GALNT15: variants seen among roughly 807,000 people sequenced by gnomAD.
The protein encoded by GALNT15 is UDP-GalNAc transferase T15.
A neutral mutation model predicts 66.8 loss-of-function variants in GALNT15; 67 were observed. The observed-to-expected ratio is 1.00, with a 90% CI of 0.82 to 1.23. GALNT15 has a LOEUF of 1.23. Ranked by LOEUF, GALNT15 falls within the 50% of genes most tolerant of loss-of-function variation. The pLI is 0.00. For synonymous variants in GALNT15, 313 were observed against 311.5 expected, an observed-to-expected ratio of 1.00 and a Z score of -0.05; for missense variants, 827 against 804.3, an observed-to-expected ratio of 1.03 and a Z score of -0.34.
At chr3:16,205,129 G>A (rs965349843) in intron 3 of GALNT15, among the ~76,000 whole-genome samples, 9 of 152,170 alleles carry the variant, frequency 5.9e-5, no homozygotes, top group African/African-American at 1.9e-4. Flanking sequence ...TGGAAAAGCC[G>A]ATGCCAGTCC....
At chr3:16,179,818 G>A (rs1220930858) in intron 1 of GALNT15, among the ~76,000 whole-genome samples, 2 of 152,158 alleles carry the variant, frequency 1.3e-5, no homozygotes, top group Non-Finnish European at 2.9e-5. Context: ...TGAATACTGA[G>A]GCAAAATAGA....
chr3:16,206,598 G>A (rs1017390269), intron 3 of GALNT15, among the ~76,000 whole-genome samples: 3 of 148,870 alleles, frequency 2.0e-5, no homozygotes, highest in Non-Finnish European at 4.5e-5. Context: ...GCGTGAACCT[G>A]GGAGGCGGAG....
chr3:16,224,614 C>A lies in GALNT15; in HGVS notation c.1773+1856C>A, dbSNP rs2063985245. Among the ~76,000 whole-genome samples the A allele has an allele frequency of 6.8e-6, 1 of 148,100 alleles. No homozygotes were observed. Among genetic ancestry groups the A allele is most frequent in the Non-Finnish European group, 1.5e-5 (1 of 67,466 alleles). On this transcript the variant is annotated intron_variant, in intron 9 of 9. Coordinates refer to ENST00000339732, the MANE Select transcript of GALNT15 (RefSeq NM_054110.5). This position sits in a 1 kb window ranked among gnomAD's most constrained non-coding sequence, Gnocchi z 5.2. Reference sequence around the variant, plus strand: ...CATAACAATGTGAATATATTTAACACTATTGTAGTAGGCTATTCTTTTTTT... The same window carrying A: ...CATAACAATGTGAATATATTTAACAATATTGTAGTAGGCTATTCTTTTTTT...
chr3:16,212,793 G>A (rs1322252093), intron 6 of GALNT15, 30 bp downstream of exon 6: 8 of 1,592,080 alleles, frequency 5.0e-6, no homozygotes, highest in Non-Finnish European at 6.9e-6. Context: ...GGGCTTCTGT[G>A]TCCAGCACAG....
At chr3:16,243,148 C>A in the GALNT15 span, among the ~76,000 whole-genome samples, 2 of 152,250 alleles carry the variant, frequency 1.3e-5, no homozygotes, top group African/African-American at 4.8e-5. Context: ...CTGGGATACA[C>A]TTTGCAGGCT....
At chr3:16,235,787 C>A (rs2124917732), downstream of GALNT15, among the ~76,000 whole-genome samples, 1 of 152,052 alleles carries the variant, frequency 6.6e-6, no homozygotes, top group East Asian at 1.9e-4. Flanking sequence ...AGCAGCCTTG[C>A]CGGGTAGGAT....
At chr3:16,192,828 A>G (rs2063593634) in intron 1 of GALNT15, among the ~76,000 whole-genome samples, 1 of 152,222 alleles carries the variant, frequency 6.6e-6, no homozygotes, top group Non-Finnish European at 1.5e-5. Flanking sequence ...TATAAAGTTC[A>G]TTATTTTATT....
At chr3:16,245,959 C>A in the GALNT15 span, among the ~76,000 whole-genome samples, 1,649 of 152,164 alleles carry the variant, frequency 0.011, 76 homozygotes, top group East Asian at 0.093. Flanking sequence ...AATGAATGAA[C>A]AGTAGAAGGA....
Position 16,204,695 on chromosome 3 carries a change from A to T in GALNT15, c.912-3808A>T, listed in dbSNP as rs1393467007. ...AGGGGCTGAAAGATGATATCATCTC[A>T]AGAAGCTGAACAAGTTATCTCTTAC... On this transcript the variant is annotated intron_variant, in intron 3 of 9. Transcript: ENST00000339732. This position sits in a 1 kb window ranked among gnomAD's most constrained non-coding sequence, Gnocchi z 4.5. Among the ~76,000 whole-genome samples, 1 of 152,190 alleles carries T rather than the reference A, an allele frequency of 6.6e-6. No homozygotes were observed. Among genetic ancestry groups the T allele is most frequent in the Non-Finnish European group, 1.5e-5 (1 of 68,036 alleles).
intron 2 of GALNT15, among the ~76,000 whole-genome samples, chr3:16,198,684 C>T (rs1269431618): frequency 7.0e-6 from 1 of 143,002 alleles, no homozygotes; most frequent in Non-Finnish European, 1.6e-5. Context: ...TAAAGTAACA[C>T]ATCAACGAAG....
Position 16,208,583 on chromosome 3 carries a change from G to A in GALNT15, c.992G>A (p.Gly331Glu). The change falls in exon 4 of 10, where the codon GGG becomes GAG. Residue 331 changes from glycine to glutamate, a missense_variant. Physicochemically the swap from Gly to Glu is moderately conservative, Grantham distance 98. Coordinates refer to ENST00000339732, the MANE Select transcript of GALNT15 (RefSeq NM_054110.5). ...TACCCCTCAAAGGACCTGCAGCGTG[G>A]GGTGTTGGACTGGAAGCTGGATTTC... ...QYYPSKDLQR[G>E]VLDWKLDFHW... 6.2e-7 allele frequency: 1 copy of A among 1,614,134 alleles called. No homozygotes were observed. The highest frequency in any genetic ancestry group is 8.5e-7 in the Non-Finnish European group (1 of 1,180,016).
rs56306167 is a variant in GALNT15, at chr3:16,203,520, T to TTCTC, written c.911+2718_911+2721dup. Among the ~76,000 whole-genome samples the TTCTC allele has an allele frequency of 0.017, 1,894 of 114,076 alleles. 86 individuals carry two copies. The highest frequency in any genetic ancestry group is 0.056 in the African/African-American group (1,517 of 26,948). The allele number at this position is 114,076 out of a possible 152,430, so 74.8% of individuals were successfully genotyped here. A position where few individuals can be genotyped will look rare whatever the true frequency, so the allele number is the denominator to read the frequency against. ...TCTCTCTCTGTCTCTTGGTCACTCA[T>TTCTC]TCTCTCTCTCTCTCTCTCTCTCTCA... On this transcript the variant is annotated intron_variant, in intron 3 of 9. Transcript: ENST00000339732. The surrounding 1 kb of genome is among the most constrained non-coding windows in gnomAD (Gnocchi z 6.2).
downstream of GALNT15, among the ~76,000 whole-genome samples, chr3:16,236,104 CA>C (rs558670542): frequency 1.5e-3 from 36 of 23,384 alleles, no homozygotes; most frequent in South Asian, 0.01. Flanking sequence ...GACTATGTCT[CA>C]AAAAAAAAAA....
At position 16,183,719 on chromosome 3, in the gene GALNT15, G is replaced by C. The variant is rs1278572959; in HGVS notation, c.539+8029G>C. ...CCTCCACTGATTTGATAGGAACTGG[G>C]AGTCAGTATCCCCAAAACAGCTTTA... On this transcript the variant is annotated intron_variant, in intron 1 of 9. Transcript: ENST00000339732. The surrounding 1 kb of genome is among the most constrained non-coding windows in gnomAD (Gnocchi z 5.2). 6.6e-6 allele frequency among the ~76,000 whole-genome samples: 1 copy of C among 152,150 alleles called. No individual in the cohort carries two copies.
Position 16,228,669 on chromosome 3 carries a change from C to T in GALNT15, c.*1169C>T. 1.0e-6 allele frequency: 1 copy of T among 984,746 alleles called. No individual in the cohort carries two copies. Among genetic ancestry groups the T allele is most frequent in the African/African-American group, 1.8e-5 (1 of 57,100 alleles). 61.0% of individuals were successfully genotyped at this position (984,746 alleles called of 1,614,324 possible). ...AAAAAAAAAAAAGAGAGAAACTCTC[C>T]TGATGCCCTGTTACAGGGTTTGCAC... is the stretch of plus-strand genomic sequence containing the variant. On this transcript the variant is annotated 3_prime_UTR_variant, in exon 10 of 10. Transcript: ENST00000339732.
rs879741337 is a variant in GALNT15, at chr3:16,182,898, T to G, written c.539+7208T>G. On this transcript the variant is annotated intron_variant, in intron 1 of 9. Coordinates refer to ENST00000339732, the MANE Select transcript of GALNT15 (RefSeq NM_054110.5). The surrounding 1 kb of genome is among the most constrained non-coding windows in gnomAD (Gnocchi z 6.1). ...ACCCCGTCTTTGGGTTACTGTCTGC[T>G]CTATGACCTGCTATCAACTGCTCAC... 6.6e-6 allele frequency: 1 copy of G among 152,376 alleles called. No individual in the cohort carries two copies. The highest frequency in any genetic ancestry group is 1.5e-5 in the Non-Finnish European group (1 of 68,176). The allele number at this position is 152,376 out of a possible 1,614,324, so 9.4% of individuals were successfully genotyped here.
In GALNT15 at chr3:16,175,134, T is replaced by C; in HGVS notation, c.-18T>C. The C allele has an allele frequency of 6.3e-7, 1 of 1,595,866 alleles. No homozygotes were observed. ...CTAACTTGAACATGACCTGTTGCAT[T>C]TGGCAAGTTCTAGCAACATGCTCCT... On this transcript the variant is annotated 5_prime_UTR_variant, in exon 1 of 10. Transcript: ENST00000339732. This position sits in a 1 kb window ranked among gnomAD's most constrained non-coding sequence, Gnocchi z 5.6.
rs1237736762 is a variant in GALNT15 at position 16,225,424 on chromosome 3, C to T, written c.1774-1930C>T. On this transcript the variant is annotated intron_variant, in intron 9 of 9. Transcript: ENST00000339732. The surrounding 1 kb of genome is among the most constrained non-coding windows in gnomAD (Gnocchi z 4.4). The stretch of plus-strand genomic sequence containing the variant: ...ATTTTTTTAAAAAAGAGGCCAGGCT[C>T]AATGGCTCACGCCTGTAATCCCAGC... 1.3e-5 allele frequency among the ~76,000 whole-genome samples: 2 copies of T among 152,206 alleles called. No homozygotes were observed. The highest frequency in any genetic ancestry group is 2.9e-5 in the Non-Finnish European group (2 of 68,034).
rs2063738512 is a variant in GALNT15 at position 16,204,632 on chromosome 3, A to C, written c.911+3809A>C. Among the ~76,000 whole-genome samples, 2 of 152,160 alleles carry C rather than the reference A, an allele frequency of 1.3e-5. No individual in the cohort carries two copies. The highest frequency in any genetic ancestry group is 4.1e-4 in the South Asian group (2 of 4,832). On this transcript the variant is annotated intron_variant, in intron 3 of 9. Transcript: ENST00000339732. This position sits in a 1 kb window ranked among gnomAD's most constrained non-coding sequence, Gnocchi z 4.5. ...AAGCAGTGGAAGCCATACCCCTGGAAGGATGAAGGTTTCTAAGGGGAAAGG... is the reference window on the plus strand; with the variant it reads ...AAGCAGTGGAAGCCATACCCCTGGACGGATGAAGGTTTCTAAGGGGAAAGG...
Sources: allele counts gnomAD v4.1 joint callset (sites outside exome capture counted in the v4.1 genomes callset), GRCh38; gene constraint gnomAD v4.1.1; non-coding constraint Gnocchi (gnomAD v3.1); transcripts MANE v1.5; gene names NCBI Gene and HGNC (gene_info 2026-07-23, HGNC 2026-07-21).